ARMC9: variants seen among roughly 807,000 people sequenced by gnomAD.
ARMC9 encodes lisH domain-containing protein ARMC9.
ARMC9 carries 94 observed loss-of-function variants against 107.0 expected under a neutral mutation model. The ratio of observed to expected loss-of-function variants is 0.88; its 90% confidence interval spans 0.74 to 1.04. ARMC9 has a LOEUF of 1.04. Ranked by LOEUF, ARMC9 falls within the 50% of genes least tolerant of loss-of-function variation. ARMC9 has a pLI of 0.00. For synonymous variants in ARMC9, 380 were observed against 396.9 expected (o/e 0.96, Z 0.51); for missense variants, 942 against 1,030.1 (o/e 0.91, Z 1.17).
At chr2:231,270,752 T>TA in intron 12 of ARMC9, 1 of 653,806 alleles carries the variant, frequency 1.5e-6, no homozygotes, top group Non-Finnish European at 2.9e-6. Flanking sequence ...TCTGAGGGCT[T>TA]CGTGTAATTA....
chr2:231,301,072 G>A (rs569246506), intron 19 of ARMC9, among the ~76,000 whole-genome samples: 111 of 152,240 alleles, frequency 7.3e-4, no homozygotes, highest in South Asian at 4.8e-3. Context: ...CAGAGTACAC[G>A]GAGGTATGTA....
At chr2:231,324,994 G>C (rs984592533) in intron 19 of ARMC9, among the ~76,000 whole-genome samples, 5 of 152,080 alleles carry the variant, frequency 3.3e-5, no homozygotes, top group African/African-American at 9.7e-5. Flanking sequence ...GAGTCCGAGA[G>C]GGGTGGATCA....
intron 15 of ARMC9, among the ~76,000 whole-genome samples, chr2:231,277,688 G>C (rs924465947): frequency 6.6e-6 from 1 of 151,064 alleles, no homozygotes; most frequent in Non-Finnish European, 1.5e-5. Flanking sequence ...TCAGCCTCCC[G>C]AGTAGCTGGG....
chr2:231,253,784 C>T (rs954298493), intron 9 of ARMC9, among the ~76,000 whole-genome samples: 1 of 152,110 alleles, frequency 6.6e-6, no homozygotes, highest in Non-Finnish European at 1.5e-5. Context: ...GTATACCTAG[C>T]AGACAACAGA....
chr2:231,311,795 A>T (rs972569369), intron 19 of ARMC9, among the ~76,000 whole-genome samples: 4 of 134,102 alleles, frequency 3.0e-5, no homozygotes, highest in Admixed American at 1.4e-4. Flanking sequence ...AAAAAAAAAA[A>T]ATATTGTGCA....
intron 9 of ARMC9, among the ~76,000 whole-genome samples, chr2:231,241,532 G>T (rs6731682): frequency 2.0e-5 from 3 of 151,868 alleles, no homozygotes; most frequent in African/African-American, 2.4e-5. Context: ...TCCTGAGACA[G>T]CCCTGTGGGT....
At chr2:231,326,316 G>A (rs1311153599) in intron 19 of ARMC9, among the ~76,000 whole-genome samples, 4 of 152,252 alleles carry the variant, frequency 2.6e-5, no homozygotes, top group Admixed American at 6.5e-5. Flanking sequence ...AAGTTAAGAT[G>A]TAAAGTGCTA....
At chr2:231,274,475 C>G (rs1189688575) in intron 14 of ARMC9, among the ~76,000 whole-genome samples, 3 of 152,100 alleles carry the variant, frequency 2.0e-5, no homozygotes, top group African/African-American at 7.2e-5. Flanking sequence ...CATTTTTGGC[C>G]AATATGCATA....
At chr2:231,317,040 A>G (rs954969683) in intron 19 of ARMC9, among the ~76,000 whole-genome samples, 3 of 152,112 alleles carry the variant, frequency 2.0e-5, no homozygotes, top group South Asian at 4.1e-4. Context: ...TGCATATTTT[A>G]TCATTGCTCC....
intron 9 of ARMC9, among the ~76,000 whole-genome samples, chr2:231,243,608 T>C (rs560418119): frequency 6.6e-6 from 1 of 152,320 alleles, no homozygotes; most frequent in South Asian, 2.1e-4. Context: ...GGATGAGTTA[T>C]GTTTAGCTTA....
intron 11 of ARMC9, among the ~76,000 whole-genome samples, chr2:231,261,441 C>T (rs988078677): frequency 1.3e-5 from 2 of 152,226 alleles, no homozygotes; most frequent in African/African-American, 2.4e-5. Context: ...TGCACACAAG[C>T]GCACATGCAC....
intron 23 of ARMC9, among the ~76,000 whole-genome samples, chr2:231,364,803 A>T (rs1216528630): frequency 6.6e-6 from 1 of 152,108 alleles, no homozygotes; most frequent in Non-Finnish European, 1.5e-5. Context: ...ATTTCAAAAA[A>T]AAAAAAGAAA....
chr2:231,310,016 G>A (rs919655841), intron 19 of ARMC9, among the ~76,000 whole-genome samples: 2 of 152,288 alleles, frequency 1.3e-5, no homozygotes, highest in Admixed American at 1.3e-4. Flanking sequence ...TCTGTTAATC[G>A]TGAGCAAGTA....
At chr2:231,230,193 T>C (rs548111908) in intron 7 of ARMC9, among the ~76,000 whole-genome samples, 5 of 152,040 alleles carry the variant, frequency 3.3e-5, no homozygotes, top group African/African-American at 1.2e-4. Flanking sequence ...GAGACCCTAT[T>C]GCTATAAAAA....
intron 21 of ARMC9, among the ~76,000 whole-genome samples, chr2:231,346,303 C>G (rs1021612084): frequency 6.6e-6 from 1 of 152,122 alleles, no homozygotes; most frequent in Non-Finnish European, 1.5e-5. Context: ...AGGCAAATCA[C>G]AAAGTCAGGA....
intron 19 of ARMC9, among the ~76,000 whole-genome samples, chr2:231,314,708 C>T (rs1382180252): frequency 6.6e-6 from 1 of 152,200 alleles, no homozygotes; most frequent in Non-Finnish European, 1.5e-5. Context: ...CAAAATTACT[C>T]CTAGTTGGAA....
chr2:231,332,601 C>T lies in ARMC9; in HGVS notation c.1878+704C>T, dbSNP rs971349313. Among the ~76,000 whole-genome samples the T allele has an allele frequency of 2.6e-5, 4 of 152,248 alleles. No homozygotes were observed. In the East Asian group the frequency reaches 5.8e-4, roughly 22 times the overall value. The stretch of plus-strand genomic sequence containing the variant: ...AGCCAGCTCCAGAACCACTGGCTTA[C>T]GACCCACCAGCTAAATAGGGCAGGA... On this transcript the variant is annotated intron_variant, in intron 20 of 24. Transcript: ENST00000611582.
At chr2:231,316,030 T>C (rs929900650) in intron 19 of ARMC9, among the ~76,000 whole-genome samples, 2 of 152,192 alleles carry the variant, frequency 1.3e-5, no homozygotes. Flanking sequence ...TAGAAGAACT[T>C]TGCATCAGTA....
intron 9 of ARMC9, among the ~76,000 whole-genome samples, chr2:231,249,787 G>C (rs1295039386): frequency 1.3e-5 from 2 of 151,958 alleles, no homozygotes; most frequent in African/African-American, 4.8e-5. Context: ...GACATCTTCA[G>C]ATGGGAGCAT....
Sources: gnomAD v4.1 joint callset for allele counts (sites outside exome capture counted in the v4.1 genomes callset) on GRCh38, gnomAD v4.1.1 for gene constraint, MANE v1.5 for transcripts, NCBI Gene and HGNC (gene_info 2026-07-23, HGNC 2026-07-21) for gene names.